ADAMTS18: variants seen among roughly 807,000 people sequenced by gnomAD.
ADAMTS18 encodes the protein ADAM metallopeptidase with thrombospondin type 1 motif 18.
In ADAMTS18, 157 loss-of-function variants were observed where a neutral mutation model predicts 165.9. The ratio of observed to expected loss-of-function variants is 0.95; its 90% CI spans 0.83 to 1.08. The LOEUF is 1.08. Ranked by LOEUF, ADAMTS18 falls within the 50% of genes least tolerant of loss-of-function variation. The pLI, the probability that ADAMTS18 is intolerant of heterozygous loss-of-function variation, is 0.00. For missense variants in ADAMTS18, 2,040 were observed against 1,534.0 expected, an observed-to-expected ratio of 1.33 and a Z score of -5.51; for synonymous variants, 782 against 578.2, an observed-to-expected ratio of 1.35 and a Z score of -5.06.
intron 3 of ADAMTS18, among the ~76,000 whole-genome samples, chr16:77,391,815 T>C (rs1223006658): frequency 6.6e-6 from 1 of 152,182 alleles, no homozygotes; most frequent in Non-Finnish European, 1.5e-5. Flanking sequence ...CAGGAATTCA[T>C]TTTAGATCAA....
intron 10 of ADAMTS18, among the ~76,000 whole-genome samples, chr16:77,348,418 C>A (rs62043573): frequency 7.2e-4 from 110 of 152,104 alleles, no homozygotes; most frequent in African/African-American, 2.6e-3. Flanking sequence ...GTCTCCCATC[C>A]GAGGCAGGCA....
At chr16:77,365,621 G>A (rs559926498) in intron 4 of ADAMTS18, among the ~76,000 whole-genome samples, 25 of 152,336 alleles carry the variant, frequency 1.6e-4, no homozygotes, top group South Asian at 6.2e-4. Flanking sequence ...AGACCTAGAA[G>A]TGCCTGCTCG....
At chr16:77,304,083 C>G (rs542201122) in intron 16 of ADAMTS18, among the ~76,000 whole-genome samples, 104 of 152,118 alleles carry the variant, frequency 6.8e-4, no homozygotes, top group African/African-American at 2.4e-3. Context: ...TTTAGTAAAT[C>G]TGAGGTGGGG....
At chr16:77,414,558 A>T (rs190717821) in intron 3 of ADAMTS18, among the ~76,000 whole-genome samples, 10 of 152,234 alleles carry the variant, frequency 6.6e-5, no homozygotes, top group Admixed American at 6.5e-4. Context: ...ATTTAAAATT[A>T]TATCGGTTGA....
intron 3 of ADAMTS18, among the ~76,000 whole-genome samples, chr16:77,419,325 C>G (rs1441831755): frequency 6.6e-6 from 1 of 152,106 alleles, no homozygotes; most frequent in Non-Finnish European, 1.5e-5. Flanking sequence ...GAATTCACTT[C>G]CCTCTGGTTG....
intron 3 of ADAMTS18, among the ~76,000 whole-genome samples, chr16:77,426,018 G>A (rs898308095): frequency 2.0e-5 from 3 of 152,022 alleles, no homozygotes; most frequent in African/African-American, 7.2e-5. Flanking sequence ...TCCAGCCTGG[G>A]CAACACAGCG....
intron 3 of ADAMTS18, among the ~76,000 whole-genome samples, chr16:77,402,127 T>A (rs1440256258): frequency 6.6e-6 from 1 of 152,134 alleles, no homozygotes; most frequent in Non-Finnish European, 1.5e-5. Flanking sequence ...GTATGTCCTA[T>A]GGGTTCTGTT....
chr16:77,314,625 A>AGTG (rs1555511570), intron 16 of ADAMTS18, among the ~76,000 whole-genome samples: 2 of 132,524 alleles, frequency 1.5e-5, no homozygotes, highest in East Asian at 4.5e-4. Flanking sequence ...AAAAAAAAAA[A>AGTG]TGTGTGTGTA....
At chr16:77,401,092 C>T (rs1216894768) in intron 3 of ADAMTS18, among the ~76,000 whole-genome samples, 1 of 151,914 alleles carries the variant, frequency 6.6e-6, no homozygotes, top group Non-Finnish European at 1.5e-5. Context: ...CACGTCTCTA[C>T]TAAAAATACA....
At chr16:77,417,622 T>C (rs2057547642) in intron 3 of ADAMTS18, among the ~76,000 whole-genome samples, 1 of 152,222 alleles carries the variant, frequency 6.6e-6, no homozygotes, top group African/African-American at 2.4e-5. Context: ...TCTTTGCCTC[T>C]TCAAGTATGG....
intron 12 of ADAMTS18, among the ~76,000 whole-genome samples, chr16:77,330,749 A>G (rs538281091): frequency 6.6e-6 from 1 of 152,370 alleles, no homozygotes; most frequent in East Asian, 1.9e-4. Context: ...AAATCTATGA[A>G]TCAGCCAAGA....
rs775001548 is a variant in ADAMTS18, at chr16:77,297,396, G to A, written c.2694C>T (p.Ala898=). The A allele has an allele frequency of 1.2e-6, 2 of 1,613,212 alleles. No individual in the cohort carries two copies. The highest frequency in any genetic ancestry group is 2.2e-5 in the East Asian group (1 of 44,872). ...SCGGGYINVK[A]ICLRDQNTQV... Reference sequence around the variant, plus strand: ...GAGTATTTTGATCTCGCAAGCAAATGGCCTTTACATTTATGTAACCTGGTA... The same window carrying A: ...GAGTATTTTGATCTCGCAAGCAAATAGCCTTTACATTTATGTAACCTGGTA... The change falls in exon 18 of 23, where the codon GCC becomes GCT. Residue 898 remains alanine, a synonymous_variant. Transcript: ENST00000282849.
chr16:77,376,964 A>G (rs1415183020), intron 3 of ADAMTS18, among the ~76,000 whole-genome samples: 1 of 151,834 alleles, frequency 6.6e-6, no homozygotes, highest in Admixed American at 6.6e-5. Flanking sequence ...ACAAGCGCCC[A>G]CCACCACTCT....
chr16:77,359,551 A>G (rs1052758514), intron 7 of ADAMTS18, 128 bp from the exon 8 acceptor site: 15 of 58,860 alleles, frequency 2.5e-4, no homozygotes, highest in South Asian at 2.0e-3. Flanking sequence ...TGTTTTTGGA[A>G]AAAAAAAAAA....
At chr16:77,289,622 A>G (rs1322601274) in intron 21 of ADAMTS18, among the ~76,000 whole-genome samples, 1 of 152,240 alleles carries the variant, frequency 6.6e-6, no homozygotes, top group Admixed American at 6.5e-5. Flanking sequence ...GGCAAATGCT[A>G]TCTATCTAGC....
chr16:77,406,086 A>C (rs950538128), intron 3 of ADAMTS18, among the ~76,000 whole-genome samples: 3 of 152,194 alleles, frequency 2.0e-5, no homozygotes, highest in Non-Finnish European at 4.4e-5. Flanking sequence ...ATTACAGACC[A>C]AATTTTCTCA....
chr16:77,376,615 T>C (rs2056957287), intron 3 of ADAMTS18, among the ~76,000 whole-genome samples: 1 of 152,200 alleles, frequency 6.6e-6, no homozygotes, highest in South Asian at 2.1e-4. Context: ...GCATTGTGTT[T>C]TGTCTTTTCC....
At chr16:77,379,556 TC>T (rs2057002317) in intron 3 of ADAMTS18, among the ~76,000 whole-genome samples, 1 of 152,150 alleles carries the variant, frequency 6.6e-6, no homozygotes, top group Non-Finnish European at 1.5e-5. Flanking sequence ...TGGAGCTATT[TC>T]GGCTCACTGC....
rs573168658 is a variant in ADAMTS18 at position 77,285,168 on chromosome 16, C to T, written c.3551-1097G>A. Among the ~76,000 whole-genome samples the T allele has an allele frequency of 1.6e-4, 24 of 152,144 alleles. 1 individual carries two copies. Among genetic ancestry groups the T allele is most frequent in the Non-Finnish European group, 3.2e-4 (22 of 67,976 alleles). On this transcript the variant is annotated intron_variant, in intron 22 of 22. Transcript: ENST00000282849. ...AGTGCATGTTGTAGGAGCAAGGGCC[C>T]AGTCATTTCACTGTTTTGTTTGAGA...
Sources: gnomAD v4.1 joint callset for allele counts (sites outside exome capture counted in the v4.1 genomes callset) on GRCh38, gnomAD v4.1.1 for gene constraint, MANE v1.5 for transcripts, NCBI Gene and HGNC (gene_info 2026-07-23, HGNC 2026-07-21) for gene names.